The following ELP4 variants were observed in gnomAD, a reference collection of about 807,000 sequenced individuals.
ELP4 encodes the protein elongator complex protein 4.
Under a neutral mutation model 48.9 loss-of-function variants are expected in ELP4, and 51 were observed. The observed-to-expected ratio is 1.04, with a 90% CI of 0.83 to 1.32. ELP4 has a LOEUF of 1.32. Ranked by LOEUF, ELP4 falls within the 40% of genes most tolerant of loss-of-function variation. The probability of loss-of-function intolerance (pLI) is 0.00; values close to 1 mark genes in which losing one functional copy is unlikely to be tolerated. For missense variants in ELP4, 519 were observed against 514.6 expected (o/e 1.01, Z -0.08); for synonymous variants, 210 against 189.2 (o/e 1.11, Z -0.90).
chr11:31,529,379 C>T (rs1164122171), intron 2 of ELP4, among the ~76,000 whole-genome samples: 1 of 152,140 alleles, frequency 6.6e-6, no homozygotes, highest in Non-Finnish European at 1.5e-5. Context: ...CCTCATATCT[C>T]CACCACCGTC....
Position 31,694,402 on chromosome 11 carries a change from C to G in ELP4, c.1143+44181C>G, listed in dbSNP as rs1305350548. On this transcript the variant is annotated intron_variant, in intron 9 of 9. Coordinates refer to ENST00000640961, the MANE Select transcript of ELP4 (RefSeq NM_019040.5). ...ATATGGCTAGCCAGTTTTCCTAGCA[C>G]CATTTATTGAATAGGGAATCCTTTC... 3.3e-5 allele frequency among the ~76,000 whole-genome samples: 5 copies of G among 152,248 alleles called. No individual in the cohort carries two copies. In the East Asian group the frequency reaches 9.6e-4, roughly 29 times the overall value.
chr11:31,618,285 T>C (rs574558781), intron 5 of ELP4, among the ~76,000 whole-genome samples: 1 of 152,216 alleles, frequency 6.6e-6, no homozygotes, highest in South Asian at 2.1e-4. Flanking sequence ...GTATAAACAA[T>C]AGAAATTTAT....
rs974500673 is a variant in ELP4 at position 31,672,095 on chromosome 11, C to T, written c.1143+21874C>T. Among the ~76,000 whole-genome samples the T allele has an allele frequency of 7.9e-5, 12 of 152,254 alleles. No homozygotes were observed. In the Middle Eastern group the frequency reaches 0.01, roughly 129 times the overall value. On this transcript the variant is annotated intron_variant, in intron 9 of 9. Coordinates refer to ENST00000640961, the MANE Select transcript of ELP4 (RefSeq NM_019040.5). ...AAGGCTGATGACTAAATAGTCTGCT[C>T]TTCAACCCTGATATCTATTAGGGGT...
chr11:31,729,584 G>T (rs1947142483), intron 9 of ELP4, among the ~76,000 whole-genome samples: 1 of 152,168 alleles, frequency 6.6e-6, no homozygotes, highest in Non-Finnish European at 1.5e-5. Context: ...ATGGTAATCT[G>T]TATTAGTGGG....
chr11:31,673,584 C>CTTTTGTAA (rs1945855427), intron 9 of ELP4, among the ~76,000 whole-genome samples: 1 of 151,990 alleles, frequency 6.6e-6, no homozygotes, highest in Non-Finnish European at 1.5e-5. Context: ...CTCCCTCAGC[C>CTTTTGTAA]TCCCAAAATG....
At chr11:31,667,691 C>T (rs1038978866) in intron 9 of ELP4, among the ~76,000 whole-genome samples, 3 of 152,080 alleles carry the variant, frequency 2.0e-5, no homozygotes, top group East Asian at 3.9e-4. Context: ...AAACTTCTAC[C>T]GGTGAACTGC....
intron 9 of ELP4, among the ~76,000 whole-genome samples, chr11:31,688,627 A>T (rs965282520): frequency 9.9e-5 from 15 of 152,234 alleles, no homozygotes; most frequent in African/African-American, 3.6e-4. Context: ...TTCAAAATCT[A>T]TACAGCACAT....
intron 9 of ELP4, among the ~76,000 whole-genome samples, chr11:31,736,628 A>G (rs1026117134): frequency 1.3e-5 from 2 of 152,226 alleles, no homozygotes; most frequent in African/African-American, 4.8e-5. Flanking sequence ...ACAAATTTAC[A>G]AGAAAAAAAT....
chr11:31,533,219 C>T (rs1956429245), intron 2 of ELP4, among the ~76,000 whole-genome samples: 2 of 152,066 alleles, frequency 1.3e-5, no homozygotes, highest in Admixed American at 1.3e-4. Flanking sequence ...TTTGTAGTCT[C>T]CACTGTCTGT....
chr11:31,568,207 C>A (rs1167390301), intron 3 of ELP4, among the ~76,000 whole-genome samples: 1 of 152,026 alleles, frequency 6.6e-6, no homozygotes, highest in African/African-American at 2.4e-5. Context: ...TTCACAATAG[C>A]CACAAAAAGA....
chr11:31,763,918 G>A (rs1592290630), intron 9 of ELP4, among the ~76,000 whole-genome samples: 1 of 151,912 alleles, frequency 6.6e-6, no homozygotes, highest in East Asian at 1.9e-4. Context: ...TTGGAAGATT[G>A]CATTATTATT....
intron 3 of ELP4, among the ~76,000 whole-genome samples, chr11:31,579,891 A>G (rs1426584963): frequency 6.6e-6 from 1 of 152,116 alleles, no homozygotes; most frequent in Non-Finnish European, 1.5e-5. Flanking sequence ...ATATGTAACA[A>G]ACCTGCACAT....
chr11:31,612,227 A>G (rs539497380), intron 5 of ELP4, among the ~76,000 whole-genome samples: 7 of 152,286 alleles, frequency 4.6e-5, no homozygotes, highest in African/African-American at 7.2e-5. Context: ...GAGGGAATGG[A>G]TGAAGATGTA....
chr11:31,732,820 G>A (rs1224119766), intron 9 of ELP4, among the ~76,000 whole-genome samples: 1 of 151,998 alleles, frequency 6.6e-6, no homozygotes, highest in African/African-American at 2.4e-5. Flanking sequence ...AGACAAAGAA[G>A]GACATTACGT....
intron 9 of ELP4, among the ~76,000 whole-genome samples, chr11:31,773,956 G>C (rs1165144713): frequency 1.3e-5 from 2 of 152,152 alleles, no homozygotes; most frequent in Non-Finnish European, 2.9e-5. Context: ...GAGGCCAGAG[G>C]ATTGCTGAGC....
chr11:31,565,731 A>T (rs1957100170), intron 3 of ELP4, among the ~76,000 whole-genome samples: 1 of 151,528 alleles, frequency 6.6e-6, no homozygotes, highest in African/African-American at 2.4e-5. Context: ...CCATTGGTCT[A>T]TATCTCTGTT....
At chr11:31,572,404 A>T (rs370370321) in intron 3 of ELP4, among the ~76,000 whole-genome samples, 2 of 152,232 alleles carry the variant, frequency 1.3e-5, no homozygotes, top group African/African-American at 4.8e-5. Context: ...TATGCCAGTA[A>T]ACAGAGCCTC....
intron 7 of ELP4, 41 bp downstream of exon 7, chr11:31,632,446 A>C: frequency 6.7e-7 from 1 of 1,495,332 alleles, no homozygotes; most frequent in African/African-American, 1.4e-5. Flanking sequence ...ATTCATAGTA[A>C]TATAGTATGA....
At chr11:31,752,758 C>T (rs751494705) in intron 9 of ELP4, among the ~76,000 whole-genome samples, 4 of 148,672 alleles carry the variant, frequency 2.7e-5, no homozygotes, top group Admixed American at 6.8e-5. Context: ...GGCATGAACC[C>T]GGGGGGCGGA....
Sources: allele counts gnomAD v4.1 joint callset (sites outside exome capture counted in the v4.1 genomes callset), GRCh38; gene constraint gnomAD v4.1.1; transcripts MANE v1.5; gene names NCBI Gene and HGNC (gene_info 2026-07-23, HGNC 2026-07-21).